The following KLHL1 variants were observed in gnomAD, a reference collection of about 807,000 sequenced individuals.
KLHL1 encodes the protein kelch-like protein 1.
KLHL1 carries 47 observed loss-of-function variants against 77.7 expected under a neutral mutation model. The observed-to-expected ratio is 0.60, with a 90% confidence interval of 0.48 to 0.77. The LOEUF is 0.77. Among genes scored for constraint, KLHL1 ranks in the 30% least tolerant of loss-of-function variants. The pLI, the probability that KLHL1 is intolerant of heterozygous loss-of-function variation, is 0.00. For synonymous variants in KLHL1, 360 were observed against 325.2 expected, an observed-to-expected ratio of 1.11 and a Z score of -1.15; for missense variants, 925 against 910.8, an observed-to-expected ratio of 1.02 and a Z score of -0.20.
chr13:69,737,087 C>A (rs1873795450), intron 8 of KLHL1, among the ~76,000 whole-genome samples: 1 of 152,176 alleles, frequency 6.6e-6, no homozygotes, highest in Non-Finnish European at 1.5e-5. Context: ...ATGTACAGGG[C>A]ACTGGGAGCT....
intron 7 of KLHL1, among the ~76,000 whole-genome samples, chr13:69,784,542 C>A (rs1876408904): frequency 6.6e-6 from 1 of 151,816 alleles, no homozygotes; most frequent in South Asian, 2.1e-4. Flanking sequence ...ATCCTAGTCT[C>A]TGATAAAACA....
At chr13:69,865,428 A>G (rs750841578) in intron 5 of KLHL1, among the ~76,000 whole-genome samples, 1 of 152,186 alleles carries the variant, frequency 6.6e-6, no homozygotes. Flanking sequence ...AATAACATAT[A>G]TGATTCTAAG....
At chr13:70,058,569 G>A (rs1256191022) in intron 1 of KLHL1, among the ~76,000 whole-genome samples, 1 of 152,152 alleles carries the variant, frequency 6.6e-6, no homozygotes, top group Non-Finnish European at 1.5e-5. Flanking sequence ...TAAAGAAATT[G>A]AGGACGTCCA....
intron 5 of KLHL1, among the ~76,000 whole-genome samples, chr13:69,877,461 C>A: frequency 6.7e-6 from 1 of 150,048 alleles, no homozygotes; most frequent in African/African-American, 2.5e-5. Context: ...TCTAAGTAAA[C>A]TATATATATA....
chr13:69,930,857 G>C (rs909852836), intron 4 of KLHL1, among the ~76,000 whole-genome samples: 1 of 151,506 alleles, frequency 6.6e-6, no homozygotes, highest in African/African-American at 2.4e-5. Context: ...GCTGATACAG[G>C]TGTCTATTTA....
intron 1 of KLHL1, among the ~76,000 whole-genome samples, chr13:70,008,109 A>T (rs1885448234): frequency 6.6e-6 from 1 of 151,884 alleles, no homozygotes; most frequent in Non-Finnish European, 1.5e-5. Context: ...CTAGCTGCAA[A>T]TTTTTCAATT....
intron 4 of KLHL1, among the ~76,000 whole-genome samples, chr13:69,902,767 AGG>A (rs1377072087): frequency 1.7e-4 from 13 of 75,782 alleles, no homozygotes; most frequent in Admixed American, 3.2e-4. Flanking sequence ...GGGTTGGGGG[AGG>A]GGGGAGGGAT....
chr13:70,006,519 A>G (rs764927901), intron 1 of KLHL1, among the ~76,000 whole-genome samples: 1 of 120,080 alleles, frequency 8.3e-6, no homozygotes, highest in Non-Finnish European at 1.8e-5. Context: ...TTTTTTTTTC[A>G]AAGAGTTTGA....
intron 2 of KLHL1, among the ~76,000 whole-genome samples, chr13:69,973,146 TA>T (rs762909326): frequency 6.6e-6 from 1 of 151,922 alleles, no homozygotes; most frequent in Non-Finnish European, 1.5e-5. Context: ...CTTATCTACT[TA>T]AAAATATGCC....
chr13:69,857,920 C>T (rs1433767996), intron 5 of KLHL1, among the ~76,000 whole-genome samples: 4 of 151,636 alleles, frequency 2.6e-5, no homozygotes, highest in Non-Finnish European at 4.4e-5. Flanking sequence ...CCTGGTGCCA[C>T]AGATATATAT....
intron 1 of KLHL1, among the ~76,000 whole-genome samples, chr13:70,024,620 TTCTCTCTCTCTCTCTCTCTC>T (rs5804459): frequency 1.5e-5 from 2 of 130,406 alleles, no homozygotes; most frequent in African/African-American, 5.2e-5. Flanking sequence ...GAGAAAAGAT[TTCTCTCTCTCTCTCTCTCTC>T]TCTCTCTCTC....
chr13:70,073,617 A>C (rs1488756823), intron 1 of KLHL1, among the ~76,000 whole-genome samples: 1 of 151,760 alleles, frequency 6.6e-6, no homozygotes, highest in Non-Finnish European at 1.5e-5. Flanking sequence ...CTCTACAAAA[A>C]ATTCTTCTAA....
chr13:70,069,531 G>T (rs1229171721), intron 1 of KLHL1, among the ~76,000 whole-genome samples: 4 of 152,238 alleles, frequency 2.6e-5, no homozygotes, highest in South Asian at 4.1e-4. Context: ...ATATGGCAGA[G>T]AATTCAGAAT....
intron 3 of KLHL1, among the ~76,000 whole-genome samples, chr13:69,953,533 C>T (rs1363935235): frequency 1.3e-5 from 2 of 150,952 alleles, no homozygotes; most frequent in Admixed American, 1.3e-4. Flanking sequence ...AGCTAAGATG[C>T]CATTTCTGTA....
At chr13:69,976,200 T>C (rs1420000712) in intron 1 of KLHL1, among the ~76,000 whole-genome samples, 1 of 152,018 alleles carries the variant, frequency 6.6e-6, no homozygotes, top group Admixed American at 6.6e-5. Flanking sequence ...CTATTCTAAA[T>C]AGAATTCTTG....
chr13:69,812,997 T>G (rs889669157), intron 6 of KLHL1, among the ~76,000 whole-genome samples: 2 of 149,132 alleles, frequency 1.3e-5, no homozygotes, highest in African/African-American at 2.5e-5. Context: ...GGATTATAAA[T>G]CATGCTGCTA....
chr13:69,835,366 A>T (rs772925104), intron 6 of KLHL1, among the ~76,000 whole-genome samples: 1 of 152,172 alleles, frequency 6.6e-6, no homozygotes, highest in Non-Finnish European at 1.5e-5. Flanking sequence ...ATAGTCAAAT[A>T]GCTGAAGGAA....
intron 7 of KLHL1, among the ~76,000 whole-genome samples, chr13:69,750,447 AT>A (rs1343996057): frequency 6.6e-6 from 1 of 151,788 alleles, no homozygotes; most frequent in African/African-American, 2.4e-5. Flanking sequence ...GATAAGTAAA[AT>A]TATACATATT....
At chr13:69,794,967 G>C (rs1877038617) in intron 7 of KLHL1, among the ~76,000 whole-genome samples, 1 of 152,142 alleles carries the variant, frequency 6.6e-6, no homozygotes, top group South Asian at 2.1e-4. Context: ...GTAAATCAAA[G>C]GCTGAAACTT....
Sources: allele counts gnomAD v4.1 joint callset (sites outside exome capture counted in the v4.1 genomes callset), GRCh38; gene constraint gnomAD v4.1.1; transcripts MANE v1.5; gene names NCBI Gene and HGNC (gene_info 2026-07-23, HGNC 2026-07-21).